The following GALNT13 variants were observed in gnomAD, a reference collection of about 807,000 sequenced individuals.
The protein encoded by GALNT13 is polypeptide N-acetylgalactosaminyltransferase 13.
Under a neutral mutation model 64.2 loss-of-function variants are expected in GALNT13, and 28 were observed. The ratio of observed to expected loss-of-function variants is 0.44; its 90% CI spans 0.32 to 0.60. GALNT13 has a LOEUF of 0.60. Among genes scored for constraint, GALNT13 ranks in the 20% least tolerant of loss-of-function variants. GALNT13 has a pLI of 0.05. For synonymous variants in GALNT13, 214 were observed against 224.6 expected (o/e 0.95, Z 0.42); for missense variants, 577 against 669.8 (o/e 0.86, Z 1.53).
the GALNT13 span, among the ~76,000 whole-genome samples, chr2:153,426,890 C>T: frequency 1.1e-4 from 16 of 151,846 alleles, no homozygotes; most frequent in Non-Finnish European, 2.2e-4. Context: ...TTCAAGATAG[C>T]AAACACTTTG....
the GALNT13 span, among the ~76,000 whole-genome samples, chr2:153,180,996 C>T: frequency 1.1e-5 from 1 of 91,684 alleles, no homozygotes; most frequent in African/African-American, 4.1e-5. Flanking sequence ...TTTTCCTAGT[C>T]TCTATTTTAT....
chr2:153,281,557 G>A, the GALNT13 span, among the ~76,000 whole-genome samples: 27 of 152,224 alleles, frequency 1.8e-4, no homozygotes, highest in Admixed American at 4.6e-4. Context: ...TCTTAAGCTG[G>A]TAAGAGAATT....
intron 4 of GALNT13, among the ~76,000 whole-genome samples, chr2:154,150,765 C>A (rs771643143): frequency 1.3e-5 from 2 of 152,076 alleles, no homozygotes; most frequent in Non-Finnish European, 2.9e-5. Flanking sequence ...TCTGTGGGAT[C>A]GGTGGTGATA....
the GALNT13 span, among the ~76,000 whole-genome samples, chr2:153,770,289 T>C: frequency 6.6e-6 from 1 of 151,972 alleles, no homozygotes. Flanking sequence ...GGCTATAATG[T>C]ATGTTGTCTA....
intron 3 of GALNT13, among the ~76,000 whole-genome samples, chr2:154,111,365 G>A (rs960071460): frequency 6.6e-6 from 1 of 152,152 alleles, no homozygotes; most frequent in African/African-American, 2.4e-5. Flanking sequence ...TATATATCAT[G>A]CATATTCTTC....
At chr2:153,121,487 G>T in the GALNT13 span, among the ~76,000 whole-genome samples, 2 of 152,088 alleles carry the variant, frequency 1.3e-5, no homozygotes, top group East Asian at 3.9e-4. Context: ...TTAATGAGCT[G>T]GTACAGATGT....
chr2:153,979,525 T>C (rs1226386054), intron 3 of GALNT13, among the ~76,000 whole-genome samples: 1 of 152,212 alleles, frequency 6.6e-6, no homozygotes, highest in Non-Finnish European at 1.5e-5. Flanking sequence ...TCTACCATCC[T>C]CCTTTTCTGC....
intron 11 of GALNT13, among the ~76,000 whole-genome samples, chr2:154,419,086 C>T (rs1700144535): frequency 6.6e-6 from 1 of 151,990 alleles, no homozygotes. Flanking sequence ...ATGATAATGG[C>T]TCCTTCTGTT....
At chr2:153,581,292 A>G in the GALNT13 span, among the ~76,000 whole-genome samples, 4 of 152,256 alleles carry the variant, frequency 2.6e-5, no homozygotes, top group African/African-American at 9.6e-5. Context: ...TTAAGTACCT[A>G]GAATGATCGA....
the GALNT13 span, among the ~76,000 whole-genome samples, chr2:153,809,377 T>G: frequency 6.6e-6 from 1 of 152,320 alleles, no homozygotes; most frequent in African/African-American, 2.4e-5. Flanking sequence ...TGCTTAAAAA[T>G]ATTACAGCTC....
At chr2:153,484,402 T>C in the GALNT13 span, among the ~76,000 whole-genome samples, 2 of 152,220 alleles carry the variant, frequency 1.3e-5, no homozygotes, top group Non-Finnish European at 2.9e-5. Context: ...AATATTGTTA[T>C]TGAATTAATT....
chr2:153,420,216 G>C, the GALNT13 span, among the ~76,000 whole-genome samples: 4 of 152,162 alleles, frequency 2.6e-5, no homozygotes, highest in Admixed American at 1.3e-4. Context: ...TAATGCCACT[G>C]GACCTTATGC....
intron 3 of GALNT13, among the ~76,000 whole-genome samples, chr2:153,957,863 A>C (rs901138272): frequency 1.3e-5 from 2 of 152,164 alleles, no homozygotes; most frequent in African/African-American, 4.8e-5. Flanking sequence ...ACAGCAGAGC[A>C]AGTAGATTAT....
chr2:153,505,815 A>T, the GALNT13 span, among the ~76,000 whole-genome samples: 1 of 152,174 alleles, frequency 6.6e-6, no homozygotes, highest in Non-Finnish European at 1.5e-5. Flanking sequence ...GTGTTAATGC[A>T]TAGAATGTAT....
chr2:154,033,845 A>C (rs190522017), intron 3 of GALNT13, among the ~76,000 whole-genome samples: 1 of 152,278 alleles, frequency 6.6e-6, no homozygotes, highest in East Asian at 1.9e-4. Flanking sequence ...AGGCTGAGGC[A>C]AGAGAATCTC....
chr2:154,015,169 A>G (rs1696922946), intron 3 of GALNT13, among the ~76,000 whole-genome samples: 1 of 152,048 alleles, frequency 6.6e-6, no homozygotes, highest in Admixed American at 6.5e-5. Flanking sequence ...CTTTTCTAAT[A>G]CCAGAGTTTG....
At chr2:154,129,768 A>T (rs1682504104) in intron 3 of GALNT13, among the ~76,000 whole-genome samples, 1 of 152,124 alleles carries the variant, frequency 6.6e-6, no homozygotes, top group Non-Finnish European at 1.5e-5. Flanking sequence ...ACAAATTCAT[A>T]CTCAAACATT....
At chr2:153,403,122 AT>A in the GALNT13 span, among the ~76,000 whole-genome samples, 2 of 151,332 alleles carry the variant, frequency 1.3e-5, no homozygotes, top group South Asian at 4.2e-4. Flanking sequence ...GATGTCCTTT[AT>A]GTTTGTTAGT....
the GALNT13 span, among the ~76,000 whole-genome samples, chr2:153,169,554 A>T: frequency 6.6e-6 from 1 of 152,172 alleles, no homozygotes; most frequent in Admixed American, 6.5e-5. Context: ...GGGGTACTGC[A>T]TGTCTGATGG....
Sources: allele counts gnomAD v4.1 joint callset (sites outside exome capture counted in the v4.1 genomes callset), GRCh38; gene constraint gnomAD v4.1.1; transcripts MANE v1.5; gene names NCBI Gene and HGNC (gene_info 2026-07-23, HGNC 2026-07-21).